Variants in KLRG1 observed in about 807,000 individuals in gnomAD.
KLRG1 encodes killer cell lectin-like receptor subfamily G member 1.
KLRG1 carries 16 observed loss-of-function variants against 21.8 expected under a neutral mutation model. The ratio of observed to expected loss-of-function variants is 0.73; its 90% CI spans 0.50 to 1.11. The LOEUF is 1.11. Among genes scored for constraint, KLRG1 ranks in the 50% most tolerant of loss-of-function variants. The pLI, the probability that KLRG1 is intolerant of heterozygous loss-of-function variation, is 0.00. For missense variants in KLRG1, 173 were observed against 218.3 expected (o/e 0.79, Z 1.31); for synonymous variants, 69 against 75.9 (o/e 0.91, Z 0.47).
the KLRG1 span, chr12:9,153,134 C>T: frequency 6.2e-7 from 1 of 1,614,010 alleles, no homozygotes; most frequent in South Asian, 1.1e-5. Flanking sequence ...CCTGAAGATA[C>T]ACACATCTTT....
chr12:9,014,735 A>G (rs1164769422), downstream of KLRG1, among the ~76,000 whole-genome samples: 1 of 152,150 alleles, frequency 6.6e-6, no homozygotes, highest in Non-Finnish European at 1.5e-5. Flanking sequence ...ATTGTGGTGC[A>G]TAAACTACTC....
chr12:9,101,467 T>C, the KLRG1 span: 2 of 1,613,708 alleles, frequency 1.2e-6, no homozygotes, highest in Non-Finnish European at 1.7e-6. Flanking sequence ...AAGGAGAGCT[T>C]CTTCAGCCCC....
the KLRG1 span, among the ~76,000 whole-genome samples, chr12:9,016,024 G>A: frequency 6.6e-6 from 1 of 152,032 alleles, no homozygotes; most frequent in South Asian, 2.1e-4. Flanking sequence ...TAACAGCAAA[G>A]TTTATACCTA....
At chr12:9,068,071 G>C in the KLRG1 span, 1 of 1,249,328 alleles carries the variant, frequency 8.0e-7, no homozygotes, top group Non-Finnish European at 1.1e-6. Context: ...TGTGCAGTGT[G>C]AGTAATTTGA....
At chr12:9,099,638 A>G in the KLRG1 span, 1 of 1,262,070 alleles carries the variant, frequency 7.9e-7, no homozygotes, top group Non-Finnish European at 1.1e-6. Context: ...ACCTCTAAGG[A>G]CTCTAGCTTT....
At chr12:9,067,821 C>G in the KLRG1 span, 1 of 1,612,836 alleles carries the variant, frequency 6.2e-7, no homozygotes, top group East Asian at 2.2e-5. Context: ...GCCTTGTGGT[C>G]TTCAAGCATT....
At chr12:9,138,423 A>AT in the KLRG1 span, among the ~76,000 whole-genome samples, 1 of 151,086 alleles carries the variant, frequency 6.6e-6, no homozygotes, top group African/African-American at 2.4e-5. Context: ...TTTTTAAAAT[A>AT]TTTTTTGCAT....
At chr12:9,188,538 C>T in the KLRG1 span, among the ~76,000 whole-genome samples, 74 of 152,200 alleles carry the variant, frequency 4.9e-4, no homozygotes, top group African/African-American at 1.7e-3. Flanking sequence ...TCGGGCAAGA[C>T]AAAGAAATAA....
the KLRG1 span, among the ~76,000 whole-genome samples, chr12:9,212,839 C>T: frequency 2.0e-5 from 3 of 151,946 alleles, no homozygotes; most frequent in African/African-American, 7.2e-5. Flanking sequence ...TTACAGTGTA[C>T]AATTCAGTGG....
the KLRG1 span, chr12:9,159,996 G>A: frequency 1.9e-6 from 3 of 1,613,910 alleles, no homozygotes; most frequent in Non-Finnish European, 2.5e-6. Flanking sequence ...GAGCCATCTT[G>A]GTGTTTGTAG....
chr12:9,040,854 G>A, the KLRG1 span, among the ~76,000 whole-genome samples: 1 of 152,182 alleles, frequency 6.6e-6, no homozygotes, highest in Non-Finnish European at 1.5e-5. Context: ...TTCATTGATT[G>A]AAACATTGAG....
Position 8,995,247 on chromosome 12 carries a change from A to G in KLRG1, c.316A>G (p.Arg106Gly). 3 of 1,613,818 alleles carry G rather than the reference A, an allele frequency of 1.9e-6. No individual in the cohort carries two copies. The highest frequency in any genetic ancestry group is 2.5e-6 in the Non-Finnish European group (3 of 1,179,844). ...WNSSLEFCLA[R>G]DSHLLVITDN... ...TTCTAGTCTGGAATTCTGCCTAGCC[A>G]GAGACTCACACCTCCTTGTGATAAC... is the stretch of plus-strand genomic sequence containing the variant. The change falls in exon 3 of 5, where the codon AGA (arginine) becomes GGA (glycine). Residue 106 changes from arginine (R) to glycine (G), a missense_variant. Coordinates refer to ENST00000356986, the MANE Select transcript of KLRG1 (RefSeq NM_005810.4).
chr12:9,046,081 A>G, the KLRG1 span, among the ~76,000 whole-genome samples: 1 of 152,194 alleles, frequency 6.6e-6, no homozygotes, highest in Non-Finnish European at 1.5e-5. Flanking sequence ...TGCTGGGCTT[A>G]ATACCTAGGT....
intron 3 of KLRG1, among the ~76,000 whole-genome samples, chr12:8,996,828 T>G (rs1224125051): frequency 6.6e-6 from 1 of 152,196 alleles, no homozygotes; most frequent in Non-Finnish European, 1.5e-5. Flanking sequence ...CATTCTGATA[T>G]AGTGACTCTC....
the KLRG1 span, among the ~76,000 whole-genome samples, chr12:9,193,369 A>G: frequency 6.6e-6 from 1 of 152,186 alleles, no homozygotes; most frequent in Non-Finnish European, 1.5e-5. Context: ...TGGTCTCATA[A>G]TAAAGTTCCT....
chr12:9,127,848 G>T, the KLRG1 span: 1 of 244,480 alleles, frequency 4.1e-6, no homozygotes. Context: ...GTGAAGATCT[G>T]CGACTGGGCC....
chr12:9,175,133 A>G, the KLRG1 span, among the ~76,000 whole-genome samples: 6 of 152,340 alleles, frequency 3.9e-5, no homozygotes, highest in East Asian at 1.2e-3. Context: ...ATGGTACAGA[A>G]TAGAGAACTC....
At chr12:9,098,002 C>T in the KLRG1 span, among the ~76,000 whole-genome samples, 1 of 152,190 alleles carries the variant, frequency 6.6e-6, no homozygotes, top group African/African-American at 2.4e-5. Flanking sequence ...ATATGTATCA[C>T]TTTTGTTAGG....
At chr12:8,966,724 T>C in intron 1 of KLRG1, among the ~76,000 whole-genome samples, 1 of 142,538 alleles carries the variant, frequency 7.0e-6, no homozygotes. Context: ...GGAACACTTT[T>C]ACACTGTTGG....
Sources: allele counts gnomAD v4.1 joint callset (sites outside exome capture counted in the v4.1 genomes callset), GRCh38; gene constraint gnomAD v4.1.1; transcripts MANE v1.5; gene names NCBI Gene and HGNC (gene_info 2026-07-23, HGNC 2026-07-21).